HGSNAT: variants seen among roughly 807,000 people sequenced by gnomAD.
HGSNAT encodes the protein transmembrane protein 76.
Under a neutral mutation model 85.2 loss-of-function variants are expected in HGSNAT, and 59 were observed. That is an observed-to-expected ratio of 0.69 (90% CI 0.56 to 0.86). The LOEUF (loss-of-function observed/expected upper bound fraction) is 0.86, where lower values mean the gene tolerates loss of function less well. HGSNAT is among the 40% of genes least tolerant of loss of function. The probability of loss-of-function intolerance (pLI) is 0.00; values close to 1 mark genes in which losing one functional copy is unlikely to be tolerated. For synonymous variants in HGSNAT, 321 were observed against 304.5 expected (o/e 1.05, Z -0.56); for missense variants, 756 against 777.1 (o/e 0.97, Z 0.32).
Position 43,170,592 on chromosome 8 carries a change from G to A in HGSNAT, c.641G>A (p.Gly214Glu). The change falls in exon 7 of 18, where the codon GGA becomes GAA. Residue 214 changes from glycine to glutamate, a missense_variant. Gly to Glu is a moderately conservative substitution (Grantham distance 98, BLOSUM62 -2). Transcript: ENST00000379644. Reference sequence around the variant, plus strand: ...CTCCCTTTTTTTCTGAAGGAGCTGGGATCTCCCAGCAGGACAGACCCTCTC... The same window carrying A: ...CTCCCTTTTTTTCTGAAGGAGCTGGAATCTCCCAGCAGGACAGACCCTCTC... ...ETDRLINSEL[G>E]SPSRTDPLDG... is the part of the protein sequence containing the mutation. 1.2e-6 allele frequency: 2 copies of A among 1,606,290 alleles called. No homozygotes were observed. Among genetic ancestry groups the A allele is most frequent in the South Asian group, 1.1e-5 (1 of 89,372 alleles).
Position 43,196,949 on chromosome 8 carries a change from C to T in HGSNAT, c.1466C>T (p.Ala489Val). The T allele has an allele frequency of 6.3e-7, 1 of 1,594,614 alleles. No homozygotes were observed. The highest frequency in any genetic ancestry group is 1.1e-5 in the South Asian group (1 of 90,508). Residue 489 changes from alanine (A) to valine (V), a missense_variant and splice_region_variant, in exon 15 of 18, where the codon GCA (alanine) becomes GTA (valine). Ala to Val is a moderately conservative substitution (Grantham distance 64). Transcript: ENST00000379644. The stretch of plus-strand genomic sequence containing the variant: ...GTCACACTGTGTTATCTCCTCCAGG[C>T]AGGAAAAATACTATTGTATTACAAG... ...SIVMAFLGVQ[A>V]GKILLYYKAR...
chr8:43,167,005 TG>T (rs1803456055), intron 5 of HGSNAT, among the ~76,000 whole-genome samples: 1 of 152,104 alleles, frequency 6.6e-6, no homozygotes, highest in Non-Finnish European at 1.5e-5. Flanking sequence ...ACTGCAGATG[TG>T]GTGGAAATAA....
intron 14 of HGSNAT, chr8:43,196,359 C>A: frequency 1.5e-6 from 1 of 683,934 alleles, no homozygotes; most frequent in Non-Finnish European, 2.3e-6. Context: ...CCATATTTCA[C>A]TGTTTTTAAA....
At chr8:43,179,161 G>A (rs1803930004) in intron 10 of HGSNAT, among the ~76,000 whole-genome samples, 1 of 148,756 alleles carries the variant, frequency 6.7e-6, no homozygotes, top group African/African-American at 2.5e-5. Flanking sequence ...CCGGGCAGAG[G>A]GGCTCCTCAC....
chr8:43,156,342 T>G (rs1803093877), intron 2 of HGSNAT, among the ~76,000 whole-genome samples: 1 of 152,112 alleles, frequency 6.6e-6, no homozygotes, highest in South Asian at 2.1e-4. Flanking sequence ...GTCTCACTCT[T>G]TCGCCCAGGC....
At chr8:43,198,018 G>A (rs1307144419) in intron 17 of HGSNAT, 66 bp downstream of exon 17, 1 of 1,154,838 alleles carries the variant, frequency 8.7e-7, no homozygotes, top group African/African-American at 1.5e-5. Flanking sequence ...GGGACCTCTG[G>A]AGCATCCTTG....
intron 1 of HGSNAT, among the ~76,000 whole-genome samples, chr8:43,145,868 G>C (rs1802698232): frequency 6.6e-6 from 1 of 152,088 alleles, no homozygotes; most frequent in African/African-American, 2.4e-5. Flanking sequence ...TAGAGACCGA[G>C]TTCTTACCTT....
At chr8:43,140,962 C>T (rs1470817764) in intron 1 of HGSNAT, among the ~76,000 whole-genome samples, 12 of 152,184 alleles carry the variant, frequency 7.9e-5, no homozygotes. Context: ...AAACTGGCAG[C>T]CAGGAGGCGG....
chr8:43,177,979 G>T, intron 9 of HGSNAT, 95 bp from the exon 10 acceptor site: 1 of 1,004,936 alleles, frequency 1.0e-6, no homozygotes, highest in East Asian at 2.4e-5. Context: ...AACAAATTAT[G>T]GTTGCTTCTC....
At chr8:43,198,843 GCTTTC>G (rs1261677409) in intron 17 of HGSNAT, among the ~76,000 whole-genome samples, 4 of 152,148 alleles carry the variant, frequency 2.6e-5, no homozygotes, top group African/African-American at 9.7e-5. Context: ...AATAATTTTA[GCTTTC>G]CTTTCAGATT....
At chr8:43,179,267 G>T (rs1450404026) in intron 10 of HGSNAT, among the ~76,000 whole-genome samples, 3 of 151,628 alleles carry the variant, frequency 2.0e-5, no homozygotes, top group African/African-American at 7.3e-5. Context: ...CTCCCGGACG[G>T]GGCGGCTGGC....
At chr8:43,144,153 C>G (rs965542878) in intron 1 of HGSNAT, among the ~76,000 whole-genome samples, 1 of 151,280 alleles carries the variant, frequency 6.6e-6, no homozygotes, top group African/African-American at 2.4e-5. Context: ...AACCCTGTGT[C>G]TACAAAAAAA....
intron 9 of HGSNAT, among the ~76,000 whole-genome samples, chr8:43,176,037 G>A (rs915702860): frequency 2.6e-5 from 4 of 152,266 alleles, no homozygotes; most frequent in African/African-American, 4.8e-5. Flanking sequence ...CTGTGTGGAA[G>A]CTTTTTACTT....
chr8:43,150,314 C>T (rs188937478), intron 2 of HGSNAT, among the ~76,000 whole-genome samples: 288 of 152,078 alleles, frequency 1.9e-3, no homozygotes, highest in African/African-American at 6.7e-3. Flanking sequence ...GTTTCTGTAT[C>T]TTTAAAATAT....
At chr8:43,149,382 A>C (rs1802821037) in intron 2 of HGSNAT, among the ~76,000 whole-genome samples, 1 of 152,094 alleles carries the variant, frequency 6.6e-6, no homozygotes, top group African/African-American at 2.4e-5. Flanking sequence ...TAAACTTTTA[A>C]ATTTTGAAAT....
intron 7 of HGSNAT, among the ~76,000 whole-genome samples, chr8:43,171,328 G>C (rs1563368258): frequency 6.6e-6 from 1 of 152,212 alleles, no homozygotes; most frequent in Non-Finnish European, 1.5e-5. Context: ...CTGGCAGGTA[G>C]ATTGGAAGCA....
At chr8:43,179,430 G>A (rs1803952577) in intron 10 of HGSNAT, among the ~76,000 whole-genome samples, 1 of 104,068 alleles carries the variant, frequency 9.6e-6, no homozygotes, top group Non-Finnish European at 2.0e-5. Flanking sequence ...TCACTTCCCA[G>A]TAGGGGCGGC....
At chr8:43,194,098 A>G in intron 14 of HGSNAT, 1 of 1,238,902 alleles carries the variant, frequency 8.1e-7, no homozygotes. Flanking sequence ...GGCAGTTTCT[A>G]GATAAAAGGT....
intron 5 of HGSNAT, among the ~76,000 whole-genome samples, chr8:43,164,945 A>T (rs1043821055): frequency 6.6e-6 from 1 of 151,448 alleles, no homozygotes; most frequent in Admixed American, 6.6e-5. Context: ...GTCAGAACAT[A>T]CTCAACGCTT....
Sources: gnomAD v4.1 joint callset for allele counts (sites outside exome capture counted in the v4.1 genomes callset) on GRCh38, gnomAD v4.1.1 for gene constraint, MANE v1.5 for transcripts, NCBI Gene and HGNC (gene_info 2026-07-23, HGNC 2026-07-21) for gene names.